Variants in NALF1 observed in about 807,000 individuals in gnomAD.
The protein encoded by NALF1 is NALCN channel auxiliary factor 1.
A neutral mutation model predicts 48.4 loss-of-function variants in NALF1; 3 were observed. The observed-to-expected ratio is 0.06, with a 90% CI of 0.03 to 0.16. The LOEUF is 0.16. NALF1 is among the 10% of genes least tolerant of loss of function. The pLI is 1.00. For missense variants in NALF1, 526 were observed against 571.5 expected, an observed-to-expected ratio of 0.92 and a Z score of 0.81; for synonymous variants, 262 against 245.7, an observed-to-expected ratio of 1.07 and a Z score of -0.62.
chr13:107,280,079 A>C (rs1881357864), intron 1 of NALF1, among the ~76,000 whole-genome samples: 1 of 152,212 alleles, frequency 6.6e-6, no homozygotes. Flanking sequence ...GGTGTGAGCC[A>C]TCATGGGTGG....
intron 1 of NALF1, among the ~76,000 whole-genome samples, chr13:107,475,851 C>G (rs1885169697): frequency 6.6e-6 from 1 of 152,114 alleles, no homozygotes; most frequent in African/African-American, 2.4e-5. Flanking sequence ...AAGACAGAGA[C>G]ACACATACCT....
chr13:107,356,489 GAC>G (rs1882965909), intron 1 of NALF1, among the ~76,000 whole-genome samples: 1 of 152,134 alleles, frequency 6.6e-6, no homozygotes, highest in South Asian at 2.1e-4. Flanking sequence ...AAAGCAAAAT[GAC>G]AGTTTGGATA....
At position 107,195,292 on chromosome 13, in the gene NALF1, T is replaced by C. The variant is rs4479098; in HGVS notation, c.1087+15292A>G. Among the ~76,000 whole-genome samples, 1,202 of 152,220 alleles carry C rather than the reference T, an allele frequency of 7.9e-3. 13 individuals carry two copies. The highest frequency in any genetic ancestry group is 0.013 in the Non-Finnish European group (871 of 67,974). ...ACTATTAAGATTAAAATTTAGAAAA[T>C]TGTCTTTCCAGGACTCTGCTTTCTC... On this transcript the variant is annotated intron_variant, in intron 2 of 2. Transcript: ENST00000375915.
At chr13:107,338,424 C>CA (rs34776999) in intron 1 of NALF1, among the ~76,000 whole-genome samples, 94,228 of 151,808 alleles carry the variant, frequency 0.62, 32,325 homozygotes, top group Non-Finnish European at 0.78. Flanking sequence ...CCTTTCTCAA[C>CA]AAAAAAATAG....
At chr13:107,530,740 G>T (rs1484413359) in intron 1 of NALF1, among the ~76,000 whole-genome samples, 1 of 152,098 alleles carries the variant, frequency 6.6e-6, no homozygotes, top group Non-Finnish European at 1.5e-5. Flanking sequence ...TCATATTGAT[G>T]TAAGCTGAAA....
chr13:107,399,468 A>ACACC (rs71286084), intron 1 of NALF1, among the ~76,000 whole-genome samples: 1 of 151,814 alleles, frequency 6.6e-6, no homozygotes, highest in African/African-American at 2.4e-5. Context: ...ACACACACAC[A>ACACC]GCATAGAGGG....
At chr13:107,656,925 T>G (rs1048100267) in intron 1 of NALF1, among the ~76,000 whole-genome samples, 2 of 152,074 alleles carry the variant, frequency 1.3e-5, no homozygotes, top group Non-Finnish European at 1.5e-5. Flanking sequence ...AACATTGTAT[T>G]TTCTCACTCA....
intron 1 of NALF1, among the ~76,000 whole-genome samples, chr13:107,776,403 G>A (rs1594259103): frequency 6.6e-6 from 1 of 152,254 alleles, no homozygotes; most frequent in East Asian, 1.9e-4. Context: ...TTGTACACAA[G>A]CTGTTTCTGG....
chr13:107,827,435 T>G (rs954090254), intron 1 of NALF1, among the ~76,000 whole-genome samples: 3 of 152,208 alleles, frequency 2.0e-5, no homozygotes, highest in Admixed American at 2.0e-4. Context: ...GAAAAGCATC[T>G]GTCAGAGTCA....
intron 1 of NALF1, among the ~76,000 whole-genome samples, chr13:107,715,208 CT>C (rs796996242): frequency 8.7e-4 from 128 of 146,362 alleles, no homozygotes; most frequent in Admixed American, 2.0e-3. Flanking sequence ...CTCTCTCTTT[CT>C]TTTTTTTTTT....
intron 1 of NALF1, among the ~76,000 whole-genome samples, chr13:107,353,777 T>G (rs1006550951): frequency 1.3e-5 from 2 of 152,212 alleles, no homozygotes; most frequent in Non-Finnish European, 2.9e-5. Context: ...TGAGTGCTCA[T>G]GTACACACAC....
chr13:107,680,526 G>C (rs552235256), intron 1 of NALF1, among the ~76,000 whole-genome samples: 126 of 151,966 alleles, frequency 8.3e-4, no homozygotes, highest in African/African-American at 3.0e-3. Context: ...GGGTGTGTGA[G>C]GAGTGTGTAT....
At chr13:107,613,526 T>C (rs1469817739) in intron 1 of NALF1, among the ~76,000 whole-genome samples, 1 of 152,204 alleles carries the variant, frequency 6.6e-6, no homozygotes, top group Admixed American at 6.5e-5. Flanking sequence ...AATTAAAGTA[T>C]AAGTTTTATA....
At chr13:107,825,800 T>C (rs1879497143) in intron 1 of NALF1, among the ~76,000 whole-genome samples, 1 of 151,550 alleles carries the variant, frequency 6.6e-6, no homozygotes, top group Non-Finnish European at 1.5e-5. Flanking sequence ...TTTGTTTTTG[T>C]GAGGCAGTCT....
At chr13:107,821,247 C>A (rs1462705451) in intron 1 of NALF1, among the ~76,000 whole-genome samples, 2 of 152,172 alleles carry the variant, frequency 1.3e-5, no homozygotes, top group Non-Finnish European at 2.9e-5. Flanking sequence ...AGGACTTATA[C>A]CCCAATACCT....
At chr13:107,541,843 T>C (rs1353040200) in intron 1 of NALF1, among the ~76,000 whole-genome samples, 1 of 152,130 alleles carries the variant, frequency 6.6e-6, no homozygotes, top group East Asian at 1.9e-4. Context: ...AGATTTTAAG[T>C]ATAGCTCCAA....
chr13:107,315,147 C>T (rs1566482806), intron 1 of NALF1, among the ~76,000 whole-genome samples: 6 of 151,856 alleles, frequency 4.0e-5, no homozygotes, highest in Non-Finnish European at 1.5e-5. Context: ...AATGCCCTTT[C>T]TTTGTATCAA....
chr13:107,197,595 T>C (rs192713176), intron 2 of NALF1, among the ~76,000 whole-genome samples: 1 of 152,292 alleles, frequency 6.6e-6, no homozygotes, highest in Non-Finnish European at 1.5e-5. Flanking sequence ...CTGCATCCAC[T>C]CTCGTGTCTG....
At position 107,475,738 on chromosome 13, in the gene NALF1, T is replaced by C. The variant is rs566192483; in HGVS notation, c.916-264983A>G. ...TAAAGAAATTCTCAGGGAATTCTTG[T>C]CTCTTCTAGTCAATAAAATGAACAC... On this transcript the variant is annotated intron_variant, in intron 1 of 2. Coordinates refer to ENST00000375915, the MANE Select transcript of NALF1 (RefSeq NM_001080396.3). Among the ~76,000 whole-genome samples, 144 of 152,314 alleles carry C rather than the reference T, an allele frequency of 9.5e-4. 1 individual carries two copies. The highest frequency in any genetic ancestry group is 1.7e-3 in the Non-Finnish European group (114 of 68,024).
Sources: allele counts gnomAD v4.1 joint callset (sites outside exome capture counted in the v4.1 genomes callset), GRCh38; gene constraint gnomAD v4.1.1; transcripts MANE v1.5; gene names NCBI Gene and HGNC (gene_info 2026-07-23, HGNC 2026-07-21).